CTNNA3: variants seen among roughly 807,000 people sequenced by gnomAD.
The protein encoded by CTNNA3 is catenin alpha 3.
CTNNA3 carries 76 observed loss-of-function variants against 95.7 expected under a neutral mutation model. That is an observed-to-expected ratio of 0.79 (90% CI 0.66 to 0.96). The LOEUF (loss-of-function observed/expected upper bound fraction) is 0.96, where lower values mean the gene tolerates loss of function less well. CTNNA3 is among the 40% of genes least tolerant of loss of function. The pLI is 0.00. For synonymous variants in CTNNA3, 431 were observed against 374.4 expected (o/e 1.15, Z -1.74); for missense variants, 1,191 against 1,089.8 (o/e 1.09, Z -1.31).
intron 11 of CTNNA3, among the ~76,000 whole-genome samples, chr10:66,405,341 T>C (rs2132574769): frequency 6.6e-6 from 1 of 152,288 alleles, no homozygotes; most frequent in East Asian, 1.9e-4. Context: ...ACATAATGTG[T>C]TCTCAATAAA....
At chr10:67,175,369 G>A (rs1394708657) in intron 7 of CTNNA3, among the ~76,000 whole-genome samples, 1 of 152,012 alleles carries the variant, frequency 6.6e-6, no homozygotes, top group African/African-American at 2.4e-5. Context: ...TATACAAAAG[G>A]AAAAATCCCA....
intron 7 of CTNNA3, among the ~76,000 whole-genome samples, chr10:66,864,448 T>C (rs1844082340): frequency 6.6e-6 from 1 of 152,158 alleles, no homozygotes; most frequent in Non-Finnish European, 1.5e-5. Flanking sequence ...ATATTAGTTC[T>C]CCCATCCTCC....
chr10:66,830,445 TTA>T (rs1445561941), intron 7 of CTNNA3, among the ~76,000 whole-genome samples: 1 of 152,106 alleles, frequency 6.6e-6, no homozygotes, highest in African/African-American at 2.4e-5. Flanking sequence ...AGAGGTTAAG[TTA>T]TTTACCTGTA....
chr10:66,279,221 C>T (rs1420103737), intron 13 of CTNNA3, among the ~76,000 whole-genome samples: 5 of 152,028 alleles, frequency 3.3e-5, no homozygotes, highest in African/African-American at 1.2e-4. Flanking sequence ...CCACAAATGA[C>T]TTATGGACTG....
At chr10:66,033,625 G>A (rs2079495936) in intron 15 of CTNNA3, among the ~76,000 whole-genome samples, 1 of 151,698 alleles carries the variant, frequency 6.6e-6, no homozygotes, top group South Asian at 2.1e-4. Context: ...CCGAGATCAG[G>A]GACTGGAAAG....
intron 3 of CTNNA3, among the ~76,000 whole-genome samples, chr10:67,566,584 T>C (rs1365671372): frequency 2.0e-5 from 3 of 152,130 alleles, no homozygotes; most frequent in Admixed American, 6.5e-5. Context: ...GACTGTAAAC[T>C]AGTTCAACCA....
At chr10:67,405,690 G>A (rs1589259233) in intron 5 of CTNNA3, among the ~76,000 whole-genome samples, 1 of 152,046 alleles carries the variant, frequency 6.6e-6, no homozygotes, top group African/African-American at 2.4e-5. Context: ...ACTCAACTCT[G>A]GATCAAGTGG....
At chr10:65,924,166 G>T (rs1361874544) in intron 17 of CTNNA3, among the ~76,000 whole-genome samples, 2 of 152,104 alleles carry the variant, frequency 1.3e-5, no homozygotes, top group Non-Finnish European at 2.9e-5. Context: ...TAATTAAACA[G>T]ATTCAGAAAA....
intron 7 of CTNNA3, among the ~76,000 whole-genome samples, chr10:66,950,930 G>A (rs1028622451): frequency 3.3e-5 from 5 of 152,016 alleles, no homozygotes; most frequent in Admixed American, 6.5e-5. Context: ...CTGATCTGTC[G>A]GATTCAGCAC....
intron 7 of CTNNA3, among the ~76,000 whole-genome samples, chr10:66,994,926 A>T (rs979594795): frequency 1.3e-5 from 2 of 152,216 alleles, no homozygotes; most frequent in African/African-American, 4.8e-5. Flanking sequence ...ACATGGGCTC[A>T]GCTAATACCA....
chr10:66,243,585 G>T (rs974216990), intron 13 of CTNNA3, among the ~76,000 whole-genome samples: 1 of 152,060 alleles, frequency 6.6e-6, no homozygotes. Context: ...GCTTTGAGTT[G>T]TCCTGCCTCT....
intron 16 of CTNNA3, among the ~76,000 whole-genome samples, chr10:65,976,920 T>C (rs1204386307): frequency 6.6e-6 from 1 of 152,176 alleles, no homozygotes; most frequent in Non-Finnish European, 1.5e-5. Flanking sequence ...AAACCATAGG[T>C]TGTCTTTTAA....
At chr10:66,360,852 T>C (rs1197855558) in intron 12 of CTNNA3, among the ~76,000 whole-genome samples, 1 of 139,462 alleles carries the variant, frequency 7.2e-6, no homozygotes, top group African/African-American at 2.7e-5. Flanking sequence ...TTTCTTTCTT[T>C]CTTTCCTTTC....
At chr10:66,454,957 C>A (rs2093486708) in intron 11 of CTNNA3, among the ~76,000 whole-genome samples, 1 of 152,042 alleles carries the variant, frequency 6.6e-6, no homozygotes, top group Admixed American at 6.6e-5. Context: ...TCTAGGGGTA[C>A]AAGTCTGGCC....
intron 11 of CTNNA3, among the ~76,000 whole-genome samples, chr10:66,508,106 T>C (rs1042465508): frequency 2.6e-5 from 4 of 151,956 alleles, no homozygotes; most frequent in African/African-American, 9.7e-5. Context: ...TTAGTGATGT[T>C]GAGCATAATA....
intron 17 of CTNNA3, among the ~76,000 whole-genome samples, chr10:65,957,516 A>C (rs997170337): frequency 6.6e-6 from 1 of 152,172 alleles, no homozygotes; most frequent in African/African-American, 2.4e-5. Context: ...ATGTTTTTGC[A>C]GTGGCTGGTA....
At chr10:67,041,257 C>T (rs1261804204) in intron 7 of CTNNA3, among the ~76,000 whole-genome samples, 1 of 152,002 alleles carries the variant, frequency 6.6e-6, no homozygotes, top group Non-Finnish European at 1.5e-5. Context: ...GAATGTGAAC[C>T]AACTAGTGCT....
intron 13 of CTNNA3, among the ~76,000 whole-genome samples, chr10:66,190,642 T>G (rs2086618953): frequency 6.6e-6 from 1 of 152,172 alleles, no homozygotes. Context: ...CTGTTCTGTC[T>G]TTCCTTGTCC....
chr10:67,687,718 C>T (rs543527403), intron 1 of CTNNA3, among the ~76,000 whole-genome samples: 11 of 152,216 alleles, frequency 7.2e-5, no homozygotes, highest in African/African-American at 1.9e-4. Context: ...TCGAGTGGGT[C>T]GGGTGACAGG....
Sources: allele counts gnomAD v4.1 joint callset (sites outside exome capture counted in the v4.1 genomes callset), GRCh38; gene constraint gnomAD v4.1.1; transcripts MANE v1.5; gene names NCBI Gene and HGNC (gene_info 2026-07-23, HGNC 2026-07-21).